The following PDZRN4 variants were observed in gnomAD, a reference collection of about 807,000 sequenced individuals.
PDZRN4 encodes the protein PDZ domain-containing RING finger protein 4.
In PDZRN4, 70 loss-of-function variants were observed where a neutral mutation model predicts 99.0. The observed-to-expected ratio is 0.71, with a 90% CI of 0.58 to 0.86. The LOEUF is 0.86. Among genes scored for constraint, PDZRN4 ranks in the 40% least tolerant of loss-of-function variants. PDZRN4 has a pLI of 0.00. For synonymous variants in PDZRN4, 551 were observed against 501.6 expected (o/e 1.10, Z -1.32); for missense variants, 1,474 against 1,331.2 (o/e 1.11, Z -1.67).
chr12:41,501,175 C>T (rs955160621), intron 3 of PDZRN4, among the ~76,000 whole-genome samples: 2 of 152,086 alleles, frequency 1.3e-5, no homozygotes, highest in Non-Finnish European at 2.9e-5. Context: ...CCCTTGAAAG[C>T]CATAGGTGCT....
chr12:41,204,560 G>A (rs1207200102), intron 3 of PDZRN4, among the ~76,000 whole-genome samples: 2 of 151,906 alleles, frequency 1.3e-5, no homozygotes, highest in Admixed American at 1.3e-4. Context: ...AAGGTAAAAG[G>A]GAAGGAAGGT....
chr12:41,328,452 A>G (rs1382246081), intron 3 of PDZRN4, among the ~76,000 whole-genome samples: 1 of 152,132 alleles, frequency 6.6e-6, no homozygotes, highest in Admixed American at 6.6e-5. Flanking sequence ...CCACAAGTTC[A>G]TGGTTACAGT....
At chr12:41,349,346 A>G (rs1951875091) in intron 3 of PDZRN4, among the ~76,000 whole-genome samples, 1 of 151,904 alleles carries the variant, frequency 6.6e-6, no homozygotes, top group African/African-American at 2.4e-5. Context: ...AGACATGTGA[A>G]TTGAACAAAA....
chr12:41,299,993 T>C (rs1042087016), intron 3 of PDZRN4, among the ~76,000 whole-genome samples: 3 of 151,976 alleles, frequency 2.0e-5, no homozygotes, highest in Non-Finnish European at 4.4e-5. Context: ...TCTATTTTGA[T>C]CTCTGAGTGT....
intron 5 of PDZRN4, among the ~76,000 whole-genome samples, chr12:41,519,634 A>G (rs528514194): frequency 2.6e-5 from 4 of 152,096 alleles, no homozygotes; most frequent in African/African-American, 9.6e-5. Context: ...ATGCTCTTCA[A>G]TGCCTTTTCA....
intron 3 of PDZRN4, among the ~76,000 whole-genome samples, chr12:41,260,414 G>T (rs1951229538): frequency 6.6e-6 from 1 of 152,036 alleles, no homozygotes; most frequent in South Asian, 2.1e-4. Flanking sequence ...GAGTGGAATT[G>T]TGAAGCTTTA....
intron 3 of PDZRN4, among the ~76,000 whole-genome samples, chr12:41,458,165 G>A (rs1255858268): frequency 1.3e-5 from 2 of 152,122 alleles, no homozygotes; most frequent in African/African-American, 4.8e-5. Flanking sequence ...TTTTTTGTGT[G>A]TGTGTATGTG....
intron 3 of PDZRN4, among the ~76,000 whole-genome samples, chr12:41,289,023 A>G (rs1015208802): frequency 6.6e-6 from 1 of 152,034 alleles, no homozygotes; most frequent in Non-Finnish European, 1.5e-5. Context: ...TATCAGAAAT[A>G]CTAGATGGAA....
rs563704559 is a variant in PDZRN4 at position 41,351,072 on chromosome 12, G to T, written c.844-155384G>T. Among the ~76,000 whole-genome samples the T allele has an allele frequency of 3.9e-5, 6 of 152,210 alleles. 2 individuals are homozygous for T. The highest frequency in any genetic ancestry group is 1.4e-4 in the African/African-American group (6 of 41,552). ...AGTTTTGGGTTATGGACACTATTCT[G>T]GTTGTTAGAAGCATCTTAAATTTTT... On this transcript the variant is annotated intron_variant, in intron 3 of 9. Transcript: ENST00000402685.
intron 3 of PDZRN4, among the ~76,000 whole-genome samples, chr12:41,348,734 A>AT (rs1951871308): frequency 2.0e-5 from 3 of 151,954 alleles, no homozygotes; most frequent in East Asian, 1.9e-4. Context: ...GAATTACTCC[A>AT]TTTTTTTTAA....
chr12:41,383,623 A>G (rs1337253414), intron 3 of PDZRN4, among the ~76,000 whole-genome samples: 1 of 152,192 alleles, frequency 6.6e-6, no homozygotes, highest in Admixed American at 6.5e-5. Flanking sequence ...ATGGATTCAT[A>G]ACTCTGTTAT....
intron 3 of PDZRN4, among the ~76,000 whole-genome samples, chr12:41,442,914 T>C (rs1422672683): frequency 6.6e-6 from 1 of 152,146 alleles, no homozygotes; most frequent in East Asian, 1.9e-4. Flanking sequence ...TTTCCCCAGT[T>C]CCAATACCTT....
chr12:41,295,764 C>T (rs778094070), intron 3 of PDZRN4, among the ~76,000 whole-genome samples: 147 of 152,014 alleles, frequency 9.7e-4, no homozygotes, highest in South Asian at 3.5e-3. Flanking sequence ...CAGAGCAGCA[C>T]GAATTCTACT....
At chr12:41,259,471 C>A (rs1378094243) in intron 3 of PDZRN4, among the ~76,000 whole-genome samples, 2 of 152,048 alleles carry the variant, frequency 1.3e-5, no homozygotes, top group Non-Finnish European at 1.5e-5. Flanking sequence ...ACAAAACTAG[C>A]ATGTCAAGAA....
At chr12:41,490,458 A>G (rs1328944016) in intron 3 of PDZRN4, among the ~76,000 whole-genome samples, 2 of 152,140 alleles carry the variant, frequency 1.3e-5, no homozygotes, top group Non-Finnish European at 2.9e-5. Context: ...ACAAACATTG[A>G]AAGAAAATTA....
At chr12:41,219,001 G>A (rs989155334) in intron 3 of PDZRN4, among the ~76,000 whole-genome samples, 6 of 151,802 alleles carry the variant, frequency 4.0e-5, no homozygotes, top group African/African-American at 1.5e-4. Flanking sequence ...CCTAGATCTA[G>A]GAATATTATC....
intron 3 of PDZRN4, among the ~76,000 whole-genome samples, chr12:41,470,677 G>C (rs183113601): frequency 1.5e-3 from 223 of 152,170 alleles, no homozygotes; most frequent in African/African-American, 5.2e-3. Flanking sequence ...ACCGTCCCCG[G>C]TGTGTGATGT....
At chr12:41,438,051 G>C in intron 3 of PDZRN4, 1 of 1,607,746 alleles carries the variant, frequency 6.2e-7, no homozygotes, top group Non-Finnish European at 8.5e-7. Context: ...TAAGAGCCAG[G>C]CTTTGTGTTT....
intron 3 of PDZRN4, among the ~76,000 whole-genome samples, chr12:41,390,279 CT>C (rs1392680629): frequency 6.6e-6 from 1 of 151,970 alleles, no homozygotes; most frequent in African/African-American, 2.4e-5. Context: ...TAAAAAACAA[CT>C]TTTTATGTTC....
Sources: gnomAD v4.1 joint callset for allele counts (sites outside exome capture counted in the v4.1 genomes callset) on GRCh38, gnomAD v4.1.1 for gene constraint, MANE v1.5 for transcripts, NCBI Gene and HGNC (gene_info 2026-07-23, HGNC 2026-07-21) for gene names.